SETDB1: variants seen among roughly 807,000 people sequenced by gnomAD.
SETDB1 encodes SET domain bifurcated histone lysine methyltransferase 1, also known as histone-lysine N-methyltransferase SETDB1.
SETDB1 carries 31 observed loss-of-function variants against 137.4 expected under a neutral mutation model. The ratio of observed to expected loss-of-function variants is 0.23; its 90% confidence interval spans 0.17 to 0.30. The LOEUF (loss-of-function observed/expected upper bound fraction) is 0.30. Ranked by LOEUF, SETDB1 falls within the 10% of genes least tolerant of loss-of-function variation. SETDB1 has a pLI of 1.00. For synonymous variants in SETDB1, 548 were observed against 579.9 expected (o/e 0.95, Z 0.79); for missense variants, 1,113 against 1,631.5 (o/e 0.68, Z 5.47).
rs1403352949 is a variant in SETDB1 at position 150,962,714 on chromosome 1, C to T, written c.3289C>T (p.Pro1097Ser). The T allele has an allele frequency of 1.2e-6, 2 of 1,613,976 alleles. No individual in the cohort carries two copies. Among genetic ancestry groups the T allele is most frequent in the East Asian group, 2.2e-5 (1 of 44,880 alleles). Reference sequence around the variant, plus strand: ...ACTCATGGCTTCTGCTCAGTCCAACCCTGATGTAAGTCACCTCAAGCTTAT... The same window carrying T: ...ACTCATGGCTTCTGCTCAGTCCAACTCTGATGTAAGTCACCTCAAGCTTAT... ...RRLMASAQSNPDDVLTLSSST... is the reference protein window; with the variant it reads ...RRLMASAQSNSDDVLTLSSST... The change falls in exon 18 of 22, where the codon CCT becomes TCT. Residue 1097 changes from proline to serine, a missense_variant. This residue lies in a region of SETDB1 where 373 missense variants were observed against 412.7 expected (regional missense o/e 0.90). Transcript: ENST00000692827.
At position 150,926,392 on chromosome 1, in the gene SETDB1, C is replaced by T. The variant is rs1669514486; in HGVS notation, c.-137C>T. 2.3e-5 allele frequency: 5 copies of T among 213,654 alleles called. No individual in the cohort carries two copies. Among genetic ancestry groups the T allele is most frequent in the African/African-American group, 4.8e-5 (2 of 41,932 alleles). The allele number at this position is 213,654 out of a possible 1,614,324, so 13.2% of individuals were successfully genotyped here. ...CTTTTGCTTCCCCTTCCCTCTTTCA[C>T]GCTTCCTCCCCTCCCCCTCCTCCCT... On this transcript the variant is annotated 5_prime_UTR_variant, in exon 1 of 22. The change creates a new upstream start codon in the 5' untranslated region. Transcript: ENST00000692827.
At chr1:150,927,996 G>A (rs369049734) in intron 2 of SETDB1, 22 bp downstream of exon 2, 94 of 1,609,766 alleles carry the variant, frequency 5.8e-5, no homozygotes, top group Non-Finnish European at 7.6e-5. Context: ...ATGGAAAATA[G>A]AAGGAAATCT....
Position 150,963,731 on chromosome 1 carries a change from G to A in SETDB1, c.3662G>A (p.Arg1221His). 1 of 1,613,944 alleles carries A rather than the reference G, an allele frequency of 6.2e-7. No individual in the cohort carries two copies. The highest frequency in any genetic ancestry group is 8.5e-7 in the Non-Finnish European group (1 of 1,179,870). ...GCCAAGCTTGAAGGCAACCTGGGCC[G>A]CTACCTCAACGTGAGACCCCTCTCC... ...IDAKLEGNLG[R>H]YLNHSCSPNL... is the part of the protein sequence containing the mutation. Residue 1221 changes from arginine to histidine, a missense_variant, in exon 20 of 22, where the codon CGC (arginine) becomes CAC (histidine). Physicochemically the swap from Arg to His is conservative, Grantham distance 29. Around this residue, in one of 11 missense-constraint regions of SETDB1, gnomAD observed 37 missense variants for 123.2 expected, o/e 0.30. Transcript: ENST00000692827.
intron 9 of SETDB1, among the ~76,000 whole-genome samples, chr1:150,946,223 T>G (rs1670323525): frequency 6.6e-6 from 1 of 152,060 alleles, no homozygotes; most frequent in African/African-American, 2.4e-5. Context: ...TTCGCCATGT[T>G]GCCCAGGCTG....
At chr1:150,959,801 G>C (rs764108721) in intron 15 of SETDB1, among the ~76,000 whole-genome samples, 2 of 152,334 alleles carry the variant, frequency 1.3e-5, no homozygotes, top group African/African-American at 4.8e-5. Context: ...GGCCGGCGTG[G>C]TGGCTCATGC....
chr1:150,942,519 A>G, intron 5 of SETDB1, 44 bp from the exon 6 acceptor site: 1 of 1,573,568 alleles, frequency 6.4e-7, no homozygotes, highest in Non-Finnish European at 8.6e-7. Flanking sequence ...TTCTCTACCG[A>G]ATCTATGTCA....
intron 3 of SETDB1, among the ~76,000 whole-genome samples, chr1:150,932,086 T>G (rs1669777696): frequency 6.6e-6 from 1 of 152,014 alleles, no homozygotes; most frequent in Non-Finnish European, 1.5e-5. Flanking sequence ...ATTTGCTGAT[T>G]TAAAAAAAAA....
intron 7 of SETDB1, among the ~76,000 whole-genome samples, 156 bp downstream of exon 7, chr1:150,943,209 A>C (rs1670216139): frequency 6.6e-6 from 1 of 152,146 alleles, no homozygotes. Context: ...CATGTGGGTG[A>C]TTCTTTCTTC....
chr1:150,958,996 C>G (rs895260351), intron 14 of SETDB1, among the ~76,000 whole-genome samples, 182 bp from the exon 15 acceptor site: 27 of 152,074 alleles, frequency 1.8e-4, no homozygotes, highest in Admixed American at 1.3e-4. Flanking sequence ...GGCTACATTT[C>G]CAAATGAATC....
intron 10 of SETDB1, among the ~76,000 whole-genome samples, chr1:150,948,035 C>A (rs1353684002): frequency 6.6e-6 from 1 of 151,352 alleles, no homozygotes; most frequent in East Asian, 1.9e-4. Flanking sequence ...AGTTGGAGAT[C>A]AGTCTGGGCA....
chr1:150,929,385 AT>A (rs35486314), intron 2 of SETDB1, among the ~76,000 whole-genome samples: 2 of 147,914 alleles, frequency 1.4e-5, no homozygotes, highest in South Asian at 2.1e-4. Flanking sequence ...ATTTTATTTT[AT>A]TTTTTTTTTA....
At chr1:150,948,958 A>G (rs587775980) in intron 10 of SETDB1, among the ~76,000 whole-genome samples, 164 bp from the exon 11 acceptor site, 1 of 152,086 alleles carries the variant, frequency 6.6e-6, no homozygotes, top group African/African-American at 2.4e-5. Context: ...ACCTCAAGCA[A>G]CCTGCCCACT....
At chr1:150,930,192 A>G in intron 3 of SETDB1, 74 bp downstream of exon 3, 2 of 1,312,984 alleles carry the variant, frequency 1.5e-6, no homozygotes, top group South Asian at 2.7e-5. Context: ...AATAGAAGAT[A>G]ATAGAAGAGA....
At chr1:150,935,333 T>G (rs1669912641) in intron 3 of SETDB1, among the ~76,000 whole-genome samples, 1 of 152,190 alleles carries the variant, frequency 6.6e-6, no homozygotes, top group Non-Finnish European at 1.5e-5. Context: ...AAGTTCTTTC[T>G]TAATCCTACT....
intron 2 of SETDB1, among the ~76,000 whole-genome samples, chr1:150,928,544 G>A (rs1669613698): frequency 6.6e-6 from 1 of 152,132 alleles, no homozygotes; most frequent in Non-Finnish European, 1.5e-5. Context: ...ACGTAACTCT[G>A]AAGCATTAGT....
intron 10 of SETDB1, among the ~76,000 whole-genome samples, chr1:150,948,043 G>A (rs1222584858): frequency 6.6e-6 from 1 of 151,686 alleles, no homozygotes; most frequent in Non-Finnish European, 1.5e-5. Context: ...ATCAGTCTGG[G>A]CAACATAGAA....
chr1:150,961,951 C>T, intron 16 of SETDB1, 179 bp from the exon 17 acceptor site: 1 of 724,756 alleles, frequency 1.4e-6, no homozygotes, highest in Non-Finnish European at 2.5e-6. Context: ...GGCTTAAAGG[C>T]TCCAGCCAGG....
At chr1:150,954,018 C>A (rs1188706345) in intron 14 of SETDB1, among the ~76,000 whole-genome samples, 1 of 151,944 alleles carries the variant, frequency 6.6e-6, no homozygotes, top group Non-Finnish European at 1.5e-5. Flanking sequence ...CCACGCCTGA[C>A]TACTTTTTTG....
At chr1:150,958,072 G>A (rs1173159997) in intron 14 of SETDB1, among the ~76,000 whole-genome samples, 5 of 151,600 alleles carry the variant, frequency 3.3e-5, no homozygotes, top group African/African-American at 1.2e-4. Flanking sequence ...TGTAATCTCA[G>A]CTACTTGGGA....
Sources: gnomAD v4.1 joint callset for allele counts (sites outside exome capture counted in the v4.1 genomes callset) on GRCh38, gnomAD v4.1.1 for gene constraint, gnomAD v4.1.1 regional missense constraint, MANE v1.5 for transcripts, NCBI Gene and HGNC (gene_info 2026-07-23, HGNC 2026-07-21) for gene names.